BRAF: variants seen among roughly 807,000 people sequenced by gnomAD.
BRAF encodes the protein serine/threonine-protein kinase B-raf.
A neutral mutation model predicts 104.6 loss-of-function variants in BRAF; 16 were observed. That is an observed-to-expected ratio of 0.15 (90% CI 0.10 to 0.23). BRAF has a LOEUF of 0.23. BRAF is among the 10% of genes least tolerant of loss of function. The pLI, the probability that BRAF is intolerant of heterozygous loss-of-function variation, is 1.00. For synonymous variants in BRAF, 310 were observed against 341.6 expected (o/e 0.91, Z 1.02); for missense variants, 541 against 937.3 (o/e 0.58, Z 5.52).
In BRAF at chr7:140,802,071, C is replaced by G. The variant is rs562736094; in HGVS notation, c.712-511G>C. 1.1e-4 allele frequency among the ~76,000 whole-genome samples: 16 copies of G among 151,860 alleles called. No homozygotes were observed. The South Asian group carries it at 1.5e-3, about 14-fold the overall frequency. On this transcript the variant is annotated intron_variant, in intron 5 of 19. Coordinates refer to ENST00000644969, the MANE Select transcript of BRAF (RefSeq NM_001374258.1). ...ACTATAAATGAGCTAATTCCTTATA[C>G]AATCAGTAATCAGTATATGATATCT...
At chr7:140,796,929 G>A (rs1406966597) in intron 7 of BRAF, among the ~76,000 whole-genome samples, 4 of 151,972 alleles carry the variant, frequency 2.6e-5, no homozygotes, top group African/African-American at 7.3e-5. Context: ...AATATTACCT[G>A]GTATCCTGAT....
intron 14 of BRAF, among the ~76,000 whole-genome samples, chr7:140,754,801 G>A (rs1437971944): frequency 1.3e-5 from 2 of 152,158 alleles, no homozygotes; most frequent in Non-Finnish European, 2.9e-5. Flanking sequence ...TATTTGGAAT[G>A]TAAACTACTA....
intron 5 of BRAF, among the ~76,000 whole-genome samples, chr7:140,802,707 T>C (rs1000041082): frequency 3.9e-5 from 6 of 152,152 alleles, no homozygotes; most frequent in African/African-American, 1.2e-4. Flanking sequence ...TATAGCTATA[T>C]AATGTTTTTA....
At chr7:140,785,183 A>C (rs2129028914) in intron 10 of BRAF, among the ~76,000 whole-genome samples, 1 of 152,240 alleles carries the variant, frequency 6.6e-6, no homozygotes, top group African/African-American at 2.4e-5. Flanking sequence ...GGAAAGAAAA[A>C]CCCAAAAAAC....
chr7:140,916,051 T>C (rs1053359537), intron 1 of BRAF, among the ~76,000 whole-genome samples: 17 of 152,206 alleles, frequency 1.1e-4, no homozygotes, highest in Middle Eastern at 3.4e-3. Context: ...CCAACAAAAC[T>C]GGAACGATAC....
At chr7:140,823,324 C>A (rs553779982) in intron 3 of BRAF, among the ~76,000 whole-genome samples, 2 of 152,218 alleles carry the variant, frequency 1.3e-5, no homozygotes, top group East Asian at 3.9e-4. Flanking sequence ...CTCCCCAGCA[C>A]CCCTTCCCCC....
chr7:140,814,054 A>T (rs2129051022), intron 3 of BRAF, among the ~76,000 whole-genome samples: 1 of 152,316 alleles, frequency 6.6e-6, no homozygotes, highest in Non-Finnish European at 1.5e-5. Context: ...CTCCTACTTT[A>T]AGGCTAGGAA....
intron 1 of BRAF, chr7:140,884,182 A>G (rs1167455102): frequency 6.6e-6 from 1 of 152,052 alleles, no homozygotes; most frequent in Non-Finnish European, 1.5e-5. Context: ...TATTTTTAAA[A>G]ATTAAAAAAT....
intron 14 of BRAF, among the ~76,000 whole-genome samples, chr7:140,759,862 T>C (rs1798525766): frequency 6.6e-6 from 1 of 152,154 alleles, no homozygotes; most frequent in African/African-American, 2.4e-5. Flanking sequence ...TAAAATGCAG[T>C]CTTTGATTCA....
chr7:140,863,164 A>AT (rs1810593711), intron 1 of BRAF, among the ~76,000 whole-genome samples: 1 of 152,220 alleles, frequency 6.6e-6, no homozygotes, highest in Non-Finnish European at 1.5e-5. Context: ...TATAAAGATA[A>AT]AACAAATGAT....
rs578056513 is a variant in BRAF, at chr7:140,825,260, A to G, written c.504+9349T>C. Among the ~76,000 whole-genome samples the G allele has an allele frequency of 1.1e-4, 16 of 152,030 alleles. No individual in the cohort carries two copies. In the South Asian group the frequency reaches 1.5e-3, roughly 14 times the overall value. ...TGGGATTACAGGCATGAGCCTCCGCACCCAGCCATTTGTTTTCTTACTATT... is the reference window on the plus strand; with the variant it reads ...TGGGATTACAGGCATGAGCCTCCGCGCCCAGCCATTTGTTTTCTTACTATT... On this transcript the variant is annotated intron_variant, in intron 3 of 19. Transcript: ENST00000644969.
chr7:140,757,782 C>G (rs1798330140), intron 14 of BRAF, among the ~76,000 whole-genome samples: 1 of 152,080 alleles, frequency 6.6e-6, no homozygotes, highest in Admixed American at 6.6e-5. Context: ...CTAATAATTC[C>G]TCACATAAGT....
rs997090440 is a variant in BRAF at position 140,725,667 on chromosome 7, T to G, written c.*827A>C. The G allele has an allele frequency of 3.0e-5, 32 of 1,058,676 alleles. No homozygotes were observed. The highest frequency in any genetic ancestry group is 9.1e-5 in the South Asian group (2 of 21,910). 65.6% of individuals were successfully genotyped at this position (1,058,676 alleles called of 1,614,324 possible). Reference sequence around the variant, plus strand: ...AAGAGCATAGGAGGAAGATATAAACTGTATTTCCTGAGAATTTGCTACATT... The same window carrying G: ...AAGAGCATAGGAGGAAGATATAAACGGTATTTCCTGAGAATTTGCTACATT... On this transcript the variant is annotated 3_prime_UTR_variant, in exon 20 of 20. Transcript: ENST00000644969.
At chr7:140,738,673 G>C (rs1796646468) in intron 18 of BRAF, among the ~76,000 whole-genome samples, 1 of 152,180 alleles carries the variant, frequency 6.6e-6, no homozygotes, top group Non-Finnish European at 1.5e-5. Flanking sequence ...CTGGAATGCA[G>C]TGGTGTCATC....
intron 5 of BRAF, among the ~76,000 whole-genome samples, chr7:140,803,091 A>G (rs1320508224): frequency 6.6e-6 from 1 of 152,238 alleles, no homozygotes; most frequent in African/African-American, 2.4e-5. Flanking sequence ...CATTCCGTGC[A>G]GGTTATTAGC....
At chr7:140,749,218 C>T (rs2128994072) in intron 17 of BRAF, 69 bp downstream of exon 16, 1 of 1,597,906 alleles carries the variant, frequency 6.3e-7, no homozygotes, top group South Asian at 1.1e-5. Flanking sequence ...GGAGTTAACA[C>T]TTATTTTCTA....
In BRAF at chr7:140,906,087, C is replaced by CAAAAAAAA. The variant is rs61150735; in HGVS notation, c.138+18471_138+18478dup. Among the ~76,000 whole-genome samples the CAAAAAAAA allele has an allele frequency of 2.5e-3, 112 of 44,708 alleles. 9 individuals carry two copies. Among genetic ancestry groups the CAAAAAAAA allele is most frequent in the African/African-American group, 0.01 (103 of 9,894 alleles). 29.3% of individuals were successfully genotyped at this position (44,708 alleles called of 152,430 possible). A position where few individuals can be genotyped will look rare whatever the true frequency, so the allele number is the denominator to read the frequency against. On this transcript the variant is annotated intron_variant, in intron 1 of 19. Transcript: ENST00000644969. Reference sequence around the variant, plus strand: ...TGGGCAACAGAGCGAGACTCCGTCTCAAAAAAAAAAAAAAAAAAAAAGAAA... The same window carrying CAAAAAAAA: ...TGGGCAACAGAGCGAGACTCCGTCTCAAAAAAAAAAAAAAAAAAAAAAAAAAAAAGAAA...
intron 1 of BRAF, among the ~76,000 whole-genome samples, chr7:140,886,496 C>G (rs918339706): frequency 3.3e-5 from 5 of 152,214 alleles, no homozygotes; most frequent in Non-Finnish European, 7.3e-5. Flanking sequence ...TCATCAGGCA[C>G]TATTCATTCT....
At chr7:140,760,632 G>A (rs1436816109) in intron 14 of BRAF, among the ~76,000 whole-genome samples, 2 of 151,728 alleles carry the variant, frequency 1.3e-5, no homozygotes, top group African/African-American at 4.8e-5. Flanking sequence ...TTTTTTTAAT[G>A]AAAATAATAA....
Sources: gnomAD v4.1 joint callset for allele counts (sites outside exome capture counted in the v4.1 genomes callset) on GRCh38, gnomAD v4.1.1 for gene constraint, MANE v1.5 for transcripts, NCBI Gene and HGNC (gene_info 2026-07-23, HGNC 2026-07-21) for gene names.